Variants in CEP120 observed in about 807,000 individuals in gnomAD.
CEP120 encodes the protein centrosomal protein 120, also known as centrosomal protein of 120 kDa.
A neutral mutation model predicts 126.5 loss-of-function variants in CEP120; 113 were observed. The ratio of observed to expected loss-of-function variants is 0.89; its 90% CI spans 0.77 to 1.04. The LOEUF (loss-of-function observed/expected upper bound fraction) is 1.04. Ranked by LOEUF, CEP120 falls within the 50% of genes least tolerant of loss-of-function variation. The pLI, the probability that CEP120 is intolerant of heterozygous loss-of-function variation, is 0.00. For synonymous variants in CEP120, 400 were observed against 394.3 expected (o/e 1.01, Z -0.17); for missense variants, 1,230 against 1,155.7 (o/e 1.06, Z -0.93).
At position 123,369,637 on chromosome 5, in the gene CEP120, T is replaced by C. The variant is rs112923594; in HGVS notation, c.2481+3013A>G. 6.1e-3 allele frequency among the ~76,000 whole-genome samples: 933 copies of C among 152,088 alleles called. 8 individuals carry two copies. The highest frequency in any genetic ancestry group is 0.021 in the African/African-American group (868 of 41,516). On this transcript the variant is annotated intron_variant, in intron 17 of 19. Transcript: ENST00000306467. Reference sequence around the variant, plus strand: ...GACACACCTTCTATAACTTTTCACATTGCTAGCTCCTTCTCTTCTCACAGA... The same window carrying C: ...GACACACCTTCTATAACTTTTCACACTGCTAGCTCCTTCTCTTCTCACAGA...
At chr5:123,372,824 CAAT>C (rs1456387156) in intron 16 of CEP120, 52 bp from the exon 17 acceptor site, 1 of 1,433,834 alleles carries the variant, frequency 7.0e-7, no homozygotes, top group Non-Finnish European at 9.5e-7. Flanking sequence ...CAAAGTTTAA[CAAT>C]AAAGTATTCA....
At chr5:123,378,973 A>G (rs971921867) in intron 14 of CEP120, among the ~76,000 whole-genome samples, 5 of 152,014 alleles carry the variant, frequency 3.3e-5, no homozygotes, top group African/African-American at 1.2e-4. Flanking sequence ...AGAATCTAGC[A>G]TGAAAATTAG....
At chr5:123,398,239 G>A (rs1772927533) in intron 5 of CEP120, among the ~76,000 whole-genome samples, 1 of 151,754 alleles carries the variant, frequency 6.6e-6, no homozygotes, top group African/African-American at 2.4e-5. Flanking sequence ...GGCAGAGGAG[G>A]GAAAAAAAAA....
intron 4 of CEP120, chr5:123,401,191 C>T (rs1359604845): frequency 6.2e-6 from 10 of 1,612,608 alleles, no homozygotes; most frequent in South Asian, 1.1e-5. Flanking sequence ...ATCTCGATGT[C>T]CAGGGCCAGC....
At chr5:123,380,089 C>T (rs1257838723) in intron 14 of CEP120, among the ~76,000 whole-genome samples, 2 of 152,056 alleles carry the variant, frequency 1.3e-5, no homozygotes, top group Non-Finnish European at 1.5e-5. Flanking sequence ...AGTTATACAT[C>T]GTTTTTTAAG....
At chr5:123,354,849 T>C (rs963817354) in intron 18 of CEP120, among the ~76,000 whole-genome samples, 1 of 152,070 alleles carries the variant, frequency 6.6e-6, no homozygotes, top group Non-Finnish European at 1.5e-5. Context: ...GTTTGTTATA[T>C]ATGTATACAT....
At position 123,367,217 on chromosome 5, in the gene CEP120, A is replaced by G. The variant is rs563406143; in HGVS notation, c.2482-2623T>C. Among the ~76,000 whole-genome samples, 12 of 151,862 alleles carry G rather than the reference A, an allele frequency of 7.9e-5. No homozygotes were observed. In the South Asian group the frequency reaches 2.1e-3, roughly 26 times the overall value. On this transcript the variant is annotated intron_variant, in intron 17 of 19. Coordinates refer to ENST00000306467, the MANE Select transcript of CEP120 (RefSeq NM_001375405.1). ...CTCTGATTTTTCTCTTATCTTTCCCATTTGCCCCAAGTCAGGGGTGGCATA... is the reference window on the plus strand; with the variant it reads ...CTCTGATTTTTCTCTTATCTTTCCCGTTTGCCCCAAGTCAGGGGTGGCATA...
chr5:123,403,564 C>T (rs1326457523), intron 4 of CEP120: 1 of 321,874 alleles, frequency 3.1e-6, no homozygotes, highest in South Asian at 2.5e-5. Flanking sequence ...CACAATTCTG[C>T]CCCACAAAAG....
rs142662122 is a variant in CEP120 at position 123,418,877 on chromosome 5, C to A, written c.50-362G>T. Among the ~76,000 whole-genome samples, 1,158 of 152,206 alleles carry A rather than the reference C, an allele frequency of 7.6e-3. 5 individuals are homozygous for A. Among genetic ancestry groups the A allele is most frequent in the Admixed American group, 0.012 (186 of 15,298 alleles). ...GGATTACAGGCATGAGCCACCATGC[C>A]CAGCCTAGCATGTGTTTTTTTAAAA... On this transcript the variant is annotated intron_variant, in intron 1 of 19. Coordinates refer to ENST00000306467, the MANE Select transcript of CEP120 (RefSeq NM_001375405.1).
chr5:123,413,363 G>C (rs745609001), intron 3 of CEP120, among the ~76,000 whole-genome samples: 2 of 151,976 alleles, frequency 1.3e-5, no homozygotes, highest in Non-Finnish European at 2.9e-5. Flanking sequence ...AAATACTAAA[G>C]TCAAGGCCTA....
intron 4 of CEP120, among the ~76,000 whole-genome samples, chr5:123,411,077 C>T (rs1285478458): frequency 6.6e-6 from 1 of 152,134 alleles, no homozygotes; most frequent in Non-Finnish European, 1.5e-5. Context: ...CATATGCAAA[C>T]ATGCTCAACA....
intron 4 of CEP120, among the ~76,000 whole-genome samples, chr5:123,406,203 A>G (rs1773647769): frequency 6.6e-6 from 1 of 152,010 alleles, no homozygotes; most frequent in Admixed American, 6.5e-5. Flanking sequence ...AGAACAGAAC[A>G]GAACATCTCA....
chr5:123,385,145 A>G lies in CEP120; in HGVS notation c.1581-12T>C. 2.5e-6 allele frequency: 4 copies of G among 1,604,708 alleles called. No individual in the cohort carries two copies. The highest frequency in any genetic ancestry group is 3.4e-6 in the Non-Finnish European group (4 of 1,175,362). The stretch of plus-strand genomic sequence containing the variant: ...CCAGTAATGGAATCCTAAGGAAGAG[A>G]GAAACATGTGTTCATACCTATCAAC... On this transcript the variant is annotated splice_polypyrimidine_tract_variant and intron_variant, in intron 10 of 19. Coordinates refer to ENST00000306467, the MANE Select transcript of CEP120 (RefSeq NM_001375405.1).
chr5:123,375,417 G>A (rs538820258), intron 16 of CEP120, among the ~76,000 whole-genome samples: 2 of 152,052 alleles, frequency 1.3e-5, no homozygotes, highest in East Asian at 3.9e-4. Context: ...TGACCTCCTG[G>A]GCTCAAGTGA....
chr5:123,409,753 T>C (rs1773913554), intron 4 of CEP120, among the ~76,000 whole-genome samples: 1 of 151,732 alleles, frequency 6.6e-6, no homozygotes, highest in Non-Finnish European at 1.5e-5. Flanking sequence ...AGGTCAGTAG[T>C]TTGAGAATGG....
intron 19 of CEP120, 151 bp downstream of exon 19, chr5:123,349,793 A>G: frequency 1.6e-6 from 1 of 628,686 alleles, no homozygotes; most frequent in South Asian, 2.3e-5. Context: ...CATGCGCCAC[A>G]GTACCCAGCT....
chr5:123,422,425 C>G (rs1025111435), intron 1 of CEP120: 10 of 1,223,580 alleles, frequency 8.2e-6, no homozygotes, highest in African/African-American at 7.4e-5. Flanking sequence ...GTCTGACACT[C>G]AATGAGTCCC....
chr5:123,377,496 G>A lies in CEP120; in HGVS notation c.2236C>T (p.Arg746Trp), dbSNP rs1253616409. Residue 746 changes from arginine (R) to tryptophan (W), a missense_variant, in exon 16 of 20, where the codon CGG becomes TGG. Physicochemically the swap from Arg to Trp is moderately radical, Grantham distance 101 (BLOSUM62 -3). Transcript: ENST00000306467. ...EKKELQSERQ[R>W]NLQELQDSIR... ...GAGTCCTGCAGTTCTTGCAGGTTCCGCTGACGTTCTGATTGCAGTTCCTTT... is the reference window on the plus strand; with the variant it reads ...GAGTCCTGCAGTTCTTGCAGGTTCCACTGACGTTCTGATTGCAGTTCCTTT... 4.4e-6 allele frequency: 7 copies of A among 1,594,154 alleles called. No individual in the cohort carries two copies. Among genetic ancestry groups the A allele is most frequent in the South Asian group, 2.3e-5 (2 of 86,250 alleles).
intron 6 of CEP120, among the ~76,000 whole-genome samples, 164 bp from the exon 7 acceptor site, chr5:123,391,501 C>T: frequency 6.6e-6 from 1 of 152,286 alleles, no homozygotes; most frequent in South Asian, 2.1e-4. Flanking sequence ...TCACACATAA[C>T]TGTTAAAACT....
Sources: gnomAD v4.1 joint callset for allele counts (sites outside exome capture counted in the v4.1 genomes callset) on GRCh38, gnomAD v4.1.1 for gene constraint, MANE v1.5 for transcripts, NCBI Gene and HGNC (gene_info 2026-07-23, HGNC 2026-07-21) for gene names.